The following MYO5B variants were observed in gnomAD, a reference collection of about 807,000 sequenced individuals.
The protein encoded by MYO5B is myosin VB.
A neutral mutation model predicts 229.3 loss-of-function variants in MYO5B; 143 were observed. The observed-to-expected ratio is 0.62, with a 90% CI of 0.54 to 0.72. The LOEUF is 0.72. Among genes scored for constraint, MYO5B ranks in the 30% least tolerant of loss-of-function variants. The pLI, the probability that MYO5B is intolerant of heterozygous loss-of-function variation, is 0.00. For synonymous variants in MYO5B, 918 were observed against 885.2 expected (o/e 1.04, Z -0.66); for missense variants, 2,321 against 2,331.0 (o/e 1.00, Z 0.09).
At chr18:49,899,373 C>A (rs2024815702) in intron 21 of MYO5B, among the ~76,000 whole-genome samples, 1 of 152,180 alleles carries the variant, frequency 6.6e-6, no homozygotes. Context: ...AACAGAGTGT[C>A]AAGCATGTTA....
intron 14 of MYO5B, among the ~76,000 whole-genome samples, chr18:49,945,763 AG>A (rs113780256): frequency 0.61 from 79,400 of 129,188 alleles, 21,343 homozygotes; most frequent in Middle Eastern, 0.76. Context: ...GGGGAGGAGG[AG>A]GAGGAGGAGA....
At chr18:50,108,503 A>AT (rs1396444316) in intron 1 of MYO5B, among the ~76,000 whole-genome samples, 19 of 152,316 alleles carry the variant, frequency 1.2e-4, no homozygotes, top group African/African-American at 4.3e-4. Context: ...GAATCAGCTG[A>AT]GTCCACACAA....
chr18:49,827,622 A>G lies in MYO5B; in HGVS notation c.5395-999T>C, dbSNP rs190364171. 2.0e-5 allele frequency among the ~76,000 whole-genome samples: 3 copies of G among 152,280 alleles called. No individual in the cohort carries two copies. In the East Asian group the frequency reaches 5.8e-4, roughly 29 times the overall value. On this transcript the variant is annotated intron_variant, in intron 39 of 39. Coordinates refer to ENST00000285039, the MANE Select transcript of MYO5B (RefSeq NM_001080467.3). ...GAAGATAAAGCAATTGAAATGATCC[A>G]GTCTGAGAAGAAAATAAAAATAATG... is the stretch of plus-strand genomic sequence containing the variant.
At chr18:50,025,690 G>A (rs1258178292) in intron 4 of MYO5B, among the ~76,000 whole-genome samples, 1 of 152,142 alleles carries the variant, frequency 6.6e-6, no homozygotes, top group African/African-American at 2.4e-5. Flanking sequence ...ACAATGGCCT[G>A]CACTCTCAGT....
chr18:49,913,311 A>G (rs1416867713), intron 17 of MYO5B, among the ~76,000 whole-genome samples: 10 of 152,176 alleles, frequency 6.6e-5, no homozygotes, highest in Admixed American at 6.5e-4. Flanking sequence ...CTTTCTCATT[A>G]AGGTGGTCTC....
At chr18:50,193,824 A>C (rs139347171) in intron 1 of MYO5B, among the ~76,000 whole-genome samples, 2,059 of 152,302 alleles carry the variant, frequency 0.014, 49 homozygotes, top group African/African-American at 0.047. Flanking sequence ...CTCCAGGTTG[A>C]AACTCGAGGG....
At position 49,826,630 on chromosome 18, in the gene MYO5B, G is replaced by A; in HGVS notation, c.5395-7C>T. 1 of 1,612,636 alleles carries A rather than the reference G, an allele frequency of 6.2e-7. No individual in the cohort carries two copies. Among genetic ancestry groups the A allele is most frequent in the Middle Eastern group, 2.0e-4 (1 of 5,072 alleles). On this transcript the variant is annotated splice_region_variant and splice_polypyrimidine_tract_variant and intron_variant, in intron 39 of 39. Coordinates refer to ENST00000285039, the MANE Select transcript of MYO5B (RefSeq NM_001080467.3). ...TCCGCTCTTGTAGTTGTGCCTATGG[G>A]GAAGAATAAGACCATGTAAAGTTTG...
At chr18:50,035,394 T>C (rs2026437328) in intron 4 of MYO5B, among the ~76,000 whole-genome samples, 1 of 152,208 alleles carries the variant, frequency 6.6e-6, no homozygotes, top group South Asian at 2.1e-4. Context: ...TTCAGAACCA[T>C]AAAGAAACCA....
At chr18:50,008,951 A>G (rs1275314521) in intron 4 of MYO5B, among the ~76,000 whole-genome samples, 1 of 152,252 alleles carries the variant, frequency 6.6e-6, no homozygotes, top group Non-Finnish European at 1.5e-5. Flanking sequence ...TAGAGAATAC[A>G]TAGAATTTTA....
intron 1 of MYO5B, among the ~76,000 whole-genome samples, chr18:50,184,064 C>A (rs559890429): frequency 6.6e-6 from 1 of 152,172 alleles, no homozygotes; most frequent in South Asian, 2.1e-4. Flanking sequence ...AAATAAATTA[C>A]CTAGTCTCGG....
chr18:50,017,213 G>A (rs2026225071), intron 4 of MYO5B, among the ~76,000 whole-genome samples: 1 of 152,128 alleles, frequency 6.6e-6, no homozygotes, highest in African/African-American at 2.4e-5. Flanking sequence ...CACTTCCTGG[G>A]CTCAAGTGAT....
intron 10 of MYO5B, among the ~76,000 whole-genome samples, chr18:49,968,112 G>C (rs890845474): frequency 6.6e-6 from 1 of 152,128 alleles, no homozygotes; most frequent in Non-Finnish European, 1.5e-5. Context: ...GCCCAGAAGA[G>C]CTACTGGGCA....
chr18:50,113,705 A>C (rs1427706597), intron 1 of MYO5B, among the ~76,000 whole-genome samples: 2 of 152,200 alleles, frequency 1.3e-5, no homozygotes, highest in Non-Finnish European at 2.9e-5. Flanking sequence ...GTCTTTTCTC[A>C]TGGCAGAGTC....
chr18:49,843,451 T>G, intron 33 of MYO5B, 59 bp from the exon 34 acceptor site: 1 of 1,561,114 alleles, frequency 6.4e-7, no homozygotes, highest in Non-Finnish European at 8.8e-7. Context: ...ATGGAGGCTG[T>G]CAGAATCCTC....
chr18:49,916,345 G>C (rs955360222), intron 17 of MYO5B, among the ~76,000 whole-genome samples: 3 of 152,220 alleles, frequency 2.0e-5, no homozygotes, highest in Non-Finnish European at 4.4e-5. Flanking sequence ...ACAGAAGCCT[G>C]GCTCTGATGC....
intron 27 of MYO5B, among the ~76,000 whole-genome samples, chr18:49,864,752 C>T (rs535096544): frequency 3.2e-4 from 49 of 152,306 alleles, no homozygotes; most frequent in African/African-American, 9.9e-4. Context: ...TATGTTCACA[C>T]GCTTTGTGAC....
At chr18:49,827,501 C>T (rs1667307202) in intron 39 of MYO5B, among the ~76,000 whole-genome samples, 1 of 152,042 alleles carries the variant, frequency 6.6e-6, no homozygotes, top group Non-Finnish European at 1.5e-5. Context: ...CTATTTGAAG[C>T]CAGAAATTTT....
intron 30 of MYO5B, among the ~76,000 whole-genome samples, chr18:49,855,424 T>C (rs868029936): frequency 5.9e-5 from 9 of 152,336 alleles, no homozygotes; most frequent in South Asian, 4.1e-4. Flanking sequence ...ATGCATTCAG[T>C]TGCCGATTCA....
At chr18:49,874,822 A>G (rs1302852259) in intron 26 of MYO5B, among the ~76,000 whole-genome samples, 1 of 152,206 alleles carries the variant, frequency 6.6e-6, no homozygotes, top group African/African-American at 2.4e-5. Flanking sequence ...TGGTCCTTCT[A>G]TCTCCAAAGA....
Sources: allele counts gnomAD v4.1 joint callset (sites outside exome capture counted in the v4.1 genomes callset), GRCh38; gene constraint gnomAD v4.1.1; transcripts MANE v1.5; gene names NCBI Gene and HGNC (gene_info 2026-07-23, HGNC 2026-07-21).